Variants in IQSEC3 observed in about 807,000 individuals in gnomAD.
IQSEC3 encodes the protein IQ motif and Sec7 domain ArfGEF 3.
IQSEC3 carries 50 observed loss-of-function variants against 105.4 expected under a neutral mutation model. The ratio of observed to expected loss-of-function variants is 0.47; its 90% CI spans 0.38 to 0.60. The LOEUF (loss-of-function observed/expected upper bound fraction) is 0.60. Among genes scored for constraint, IQSEC3 ranks in the 20% least tolerant of loss-of-function variants. The pLI, the probability that IQSEC3 is intolerant of heterozygous loss-of-function variation, is 0.00. For missense variants in IQSEC3, 1,415 were observed against 1,630.0 expected (o/e 0.87, Z 2.27); for synonymous variants, 708 against 746.0 (o/e 0.95, Z 0.83).
intron 5 of IQSEC3, among the ~76,000 whole-genome samples, chr12:151,918 A>G (rs1208711824): frequency 6.6e-6 from 1 of 152,144 alleles, no homozygotes; most frequent in Non-Finnish European, 1.5e-5. Flanking sequence ...GTCCCCAAAG[A>G]GTCCTTTCCA....
At chr12:164,149 T>C (rs1361128257) in intron 9 of IQSEC3, among the ~76,000 whole-genome samples, 1 of 152,232 alleles carries the variant, frequency 6.6e-6, no homozygotes, top group African/African-American at 2.4e-5. Context: ...GGCATCATTG[T>C]AGGTCTGGAA....
chr12:112,694 T>C (rs1864931758), intron 2 of IQSEC3, among the ~76,000 whole-genome samples: 1 of 152,086 alleles, frequency 6.6e-6, no homozygotes, highest in Admixed American at 6.5e-5. Flanking sequence ...AGGGATTCTG[T>C]AAGAAGGCAT....
chr12:96,073 T>C (rs1011949600), intron 1 of IQSEC3, among the ~76,000 whole-genome samples: 7 of 152,134 alleles, frequency 4.6e-5, no homozygotes, highest in African/African-American at 9.7e-5. Context: ...GGCTGCAGCT[T>C]TGTTTTATAC....
rs144735793 is a variant in IQSEC3 at position 80,964 on chromosome 12, G to C, written c.554+13528G>C. ...AAGACAAGGGCCGAGAGCACAGGGA[G>C]AGGCGCCTGAGGCCAAGTCAGAGAG... On this transcript the variant is annotated intron_variant, in intron 1 of 13. Coordinates refer to ENST00000538872, the MANE Select transcript of IQSEC3 (RefSeq NM_001170738.2). 6.7e-3 allele frequency among the ~76,000 whole-genome samples: 1,020 copies of C among 152,332 alleles called. 4 individuals are homozygous for C. The highest frequency in any genetic ancestry group is 0.011 in the Non-Finnish European group (752 of 68,024).
intron 1 of IQSEC3, among the ~76,000 whole-genome samples, chr12:82,646 G>A (rs11836410): frequency 0.017 from 2,555 of 152,270 alleles, 48 homozygotes; most frequent in African/African-American, 0.047. Context: ...AGCTGACATT[G>A]ACCATGCACT....
In IQSEC3 at chr12:125,931, G is replaced by GT; in HGVS notation, c.903+19_903+20insT. 1.3e-6 allele frequency: 2 copies of GT among 1,528,476 alleles called. No individual in the cohort carries two copies. The highest frequency in any genetic ancestry group is 2.2e-4 in the Middle Eastern group (1 of 4,550). 94.7% of individuals were successfully genotyped at this position (1,528,476 alleles called of 1,614,324 possible). On this transcript the variant is annotated intron_variant, in intron 3 of 13. Coordinates refer to ENST00000538872, the MANE Select transcript of IQSEC3 (RefSeq NM_001170738.2). ...TAAACAGGTACCCAGGGCCTCCTAGGGGGGCGGGGAGGGTGGTGAAGGGGC... is the reference window on the plus strand; with the variant it reads ...TAAACAGGTACCCAGGGCCTCCTAGGTGGGGCGGGGAGGGTGGTGAAGGGGC...
At chr12:150,966 T>C (rs1173988950) in intron 5 of IQSEC3, among the ~76,000 whole-genome samples, 1 of 141,756 alleles carries the variant, frequency 7.1e-6, no homozygotes, top group Non-Finnish European at 1.5e-5. Context: ...CCAGCATGTG[T>C]CTGCACCATG....
intron 3 of IQSEC3, among the ~76,000 whole-genome samples, chr12:126,347 C>T (rs1165612193): frequency 2.6e-5 from 4 of 152,332 alleles, no homozygotes; most frequent in East Asian, 1.9e-4. Flanking sequence ...ATGGTCTCCT[C>T]GAAGCAGACA....
At position 98,605 on chromosome 12, in the gene IQSEC3, C is replaced by T. The variant is rs868248; in HGVS notation, c.555-541C>T. Among the ~76,000 whole-genome samples, 922 of 152,238 alleles carry T rather than the reference C, an allele frequency of 6.1e-3. 8 individuals carry two copies. The highest frequency in any genetic ancestry group is 0.018 in the African/African-American group (760 of 41,536). On this transcript the variant is annotated intron_variant, in intron 1 of 13. Transcript: ENST00000538872. ...CTGCCTTCTGCGTTGGCTTTTTCAT[C>T]GACACCAAATGCCTCATCAAGCACC... is the stretch of plus-strand genomic sequence containing the variant.
At chr12:105,007 C>T (rs550023423) in intron 2 of IQSEC3, among the ~76,000 whole-genome samples, 1 of 152,382 alleles carries the variant, frequency 6.6e-6, no homozygotes, top group South Asian at 2.1e-4. Flanking sequence ...GAAACCGGCA[C>T]CACGCACTGG....
Position 116,837 on chromosome 12 carries a change from C to A in IQSEC3, c.624-8796C>A, listed in dbSNP as rs556083702. Reference sequence around the variant, plus strand: ...GTTGATTATGTAAAGACAAGGGGGGCGTTTGCCCATAGGGAAGAGCTAGGG... The same window carrying A: ...GTTGATTATGTAAAGACAAGGGGGGAGTTTGCCCATAGGGAAGAGCTAGGG... On this transcript the variant is annotated intron_variant, in intron 2 of 13. Transcript: ENST00000538872. Among the ~76,000 whole-genome samples the A allele has an allele frequency of 1.6e-4, 24 of 152,268 alleles. 1 individual carries two copies. The South Asian group carries it at 3.5e-3, about 22-fold the overall frequency.
intron 2 of IQSEC3, among the ~76,000 whole-genome samples, chr12:118,712 C>T (rs1179884369): frequency 6.6e-6 from 1 of 152,346 alleles, no homozygotes; most frequent in Non-Finnish European, 1.5e-5. Context: ...AGGGGCTGAG[C>T]CTGCAGGTAG....
At chr12:107,535 G>A (rs1420838171) in intron 2 of IQSEC3, among the ~76,000 whole-genome samples, 6 of 142,892 alleles carry the variant, frequency 4.2e-5, no homozygotes, top group Admixed American at 3.7e-4. Flanking sequence ...TCAGCCTCCC[G>A]AGTAGCTGGG....
chr12:160,269 G>A (rs1315775253), intron 7 of IQSEC3, among the ~76,000 whole-genome samples: 5 of 151,958 alleles, frequency 3.3e-5, no homozygotes, highest in African/African-American at 9.7e-5. Flanking sequence ...ATTTAAGAGT[G>A]AGCCACCAGA....
At chr12:110,649 C>T (rs970878605) in intron 2 of IQSEC3, among the ~76,000 whole-genome samples, 5 of 152,082 alleles carry the variant, frequency 3.3e-5, no homozygotes, top group African/African-American at 1.2e-4. Flanking sequence ...TCATTCCCCT[C>T]TCTTCCCCAG....
intron 13 of IQSEC3, 39 bp downstream of exon 13, chr12:171,200 T>G (rs782470150): frequency 6.2e-7 from 1 of 1,613,944 alleles, no homozygotes; most frequent in South Asian, 1.1e-5. Context: ...GTGACTACCC[T>G]GCCCCCTTGT....
chr12:171,510 T>A, intron 13 of IQSEC3: 1 of 609,052 alleles, frequency 1.6e-6, no homozygotes. Flanking sequence ...TGCTCACTGC[T>A]CCCCCAGTAC....
intron 2 of IQSEC3, among the ~76,000 whole-genome samples, chr12:101,790 C>G (rs1262287286): frequency 6.6e-6 from 1 of 152,124 alleles, no homozygotes; most frequent in Non-Finnish European, 1.5e-5. Context: ...CAACAGTGTA[C>G]GTGTTTGCTC....
chr12:125,990 A>G, intron 3 of IQSEC3, 78 bp downstream of exon 3: 3 of 1,385,498 alleles, frequency 2.2e-6, no homozygotes, highest in Non-Finnish European at 2.9e-6. Context: ...TACCAGGGAT[A>G]TCCCCGCTGG....
Sources: gnomAD v4.1 joint callset for allele counts (sites outside exome capture counted in the v4.1 genomes callset) on GRCh38, gnomAD v4.1.1 for gene constraint, MANE v1.5 for transcripts, NCBI Gene and HGNC (gene_info 2026-07-23, HGNC 2026-07-21) for gene names.